Variants in PSD3 observed in about 807,000 individuals in gnomAD.
The protein encoded by PSD3 is pleckstrin and Sec7 domain containing 3.
Under a neutral mutation model 105.5 loss-of-function variants are expected in PSD3, and 49 were observed. That is an observed-to-expected ratio of 0.46 (90% CI 0.37 to 0.59). The LOEUF (loss-of-function observed/expected upper bound fraction) is 0.59. PSD3 is among the 20% of genes least tolerant of loss of function. The probability of loss-of-function intolerance (pLI) is 0.00; values close to 1 mark genes in which losing one functional copy is unlikely to be tolerated. For missense variants in PSD3, 1,561 were observed against 1,263.8 expected (o/e 1.24, Z -3.57); for synonymous variants, 557 against 457.8 (o/e 1.22, Z -2.77).
At chr8:19,048,129 G>C (rs1430449909) in intron 1 of PSD3, among the ~76,000 whole-genome samples, 1 of 152,178 alleles carries the variant, frequency 6.6e-6, no homozygotes, top group East Asian at 1.9e-4. Flanking sequence ...CTCTGCCACA[G>C]TTGGCAGCCA....
intron 9 of PSD3, among the ~76,000 whole-genome samples, chr8:18,669,564 G>A (rs1288682586): frequency 1.3e-5 from 2 of 152,220 alleles, no homozygotes; most frequent in Non-Finnish European, 2.9e-5. Flanking sequence ...TGAGGGCAGG[G>A]AGCATCCACA....
At chr8:18,678,920 A>C (rs1585595255) in intron 9 of PSD3, among the ~76,000 whole-genome samples, 2 of 145,316 alleles carry the variant, frequency 1.4e-5, no homozygotes, top group East Asian at 4.0e-4. Context: ...ACTCTTGAAA[A>C]TGTATATATG....
intron 1 of PSD3, among the ~76,000 whole-genome samples, chr8:18,963,493 C>T (rs901371537): frequency 6.6e-6 from 1 of 152,072 alleles, no homozygotes; most frequent in Non-Finnish European, 1.5e-5. Context: ...CTCGACTCGC[C>T]AACTAAATTG....
intron 1 of PSD3, among the ~76,000 whole-genome samples, chr8:18,945,083 CAT>C (rs1491582493): frequency 1.3e-5 from 2 of 152,032 alleles, no homozygotes; most frequent in African/African-American, 4.8e-5. Context: ...CACACACACA[CAT>C]ACGTACACAC....
intron 15 of PSD3, among the ~76,000 whole-genome samples, chr8:18,553,052 A>G (rs1196257293): frequency 2.6e-5 from 4 of 151,834 alleles, no homozygotes; most frequent in Non-Finnish European, 4.4e-5. Context: ...TTGGCTCACC[A>G]TGAAGCACTG....
At chr8:19,003,430 CTTCACACTTCTCACTCTCCTGAAA>C (rs969628342) in intron 1 of PSD3, among the ~76,000 whole-genome samples, 1 of 151,972 alleles carries the variant, frequency 6.6e-6, no homozygotes, top group African/African-American at 2.4e-5. Flanking sequence ...CCCCTCCCAA[CTTCACACTTCTCACTCTCCTGAAA>C]TTCTTCAGGA....
At chr8:18,853,737 G>A (rs763889325) in intron 4 of PSD3, among the ~76,000 whole-genome samples, 1 of 152,144 alleles carries the variant, frequency 6.6e-6, no homozygotes, top group African/African-American at 2.4e-5. Flanking sequence ...ACATGACTAA[G>A]CTCAAATTAG....
chr8:19,084,606 T>C (rs925176307), exon 1 of PSD3: 1 of 353,834 alleles, frequency 2.8e-6, no homozygotes, highest in African/African-American at 2.1e-5. Context: ...GGCCTGGCAA[T>C]GCCTGTGATG....
At chr8:18,850,185 A>C (rs1815448333) in intron 4 of PSD3, among the ~76,000 whole-genome samples, 2 of 152,236 alleles carry the variant, frequency 1.3e-5, no homozygotes, top group Admixed American at 1.3e-4. Context: ...GAACCACAGC[A>C]ATGCAAACAT....
chr8:19,057,617 AC>A (rs1828753069), intron 1 of PSD3, among the ~76,000 whole-genome samples: 1 of 152,066 alleles, frequency 6.6e-6, no homozygotes, highest in African/African-American at 2.4e-5. Flanking sequence ...CTTCTCTGGG[AC>A]CCTGCTAAAC....
intron 2 of PSD3, among the ~76,000 whole-genome samples, chr8:18,914,339 G>C (rs1820445199): frequency 6.6e-6 from 1 of 152,018 alleles, no homozygotes; most frequent in South Asian, 2.1e-4. Context: ...CACCACTTCT[G>C]TCAGCACAGT....
chr8:18,567,314 A>G (rs1469104439), intron 14 of PSD3, among the ~76,000 whole-genome samples: 4 of 151,808 alleles, frequency 2.6e-5, no homozygotes, highest in Non-Finnish European at 4.4e-5. Context: ...CTCCCCTTAT[A>G]TCGTGTAATG....
chr8:18,653,096 T>G (rs981671413), intron 10 of PSD3, among the ~76,000 whole-genome samples: 2 of 152,212 alleles, frequency 1.3e-5, no homozygotes, highest in Admixed American at 6.5e-5. Context: ...ATTCCAAGAC[T>G]TAGTTGACCC....
intron 9 of PSD3, among the ~76,000 whole-genome samples, chr8:18,723,628 G>A (rs932086169): frequency 3.9e-5 from 6 of 152,120 alleles, no homozygotes; most frequent in Non-Finnish European, 7.3e-5. Context: ...CATCTCTCCC[G>A]AGGCCTTCCA....
At chr8:18,541,406 C>T (rs1466223462) in intron 15 of PSD3, among the ~76,000 whole-genome samples, 1 of 152,140 alleles carries the variant, frequency 6.6e-6, no homozygotes, top group Non-Finnish European at 1.5e-5. Flanking sequence ...CACGGATACC[C>T]ACGTTGATGG....
intron 1 of PSD3, among the ~76,000 whole-genome samples, chr8:18,991,197 T>C (rs753295055): frequency 1.2e-4 from 18 of 152,094 alleles, no homozygotes; most frequent in Non-Finnish European, 2.4e-4. Context: ...CACACTGGTT[T>C]AGATGCAGTA....
At chr8:18,801,686 C>G (rs569276883) in intron 6 of PSD3, among the ~76,000 whole-genome samples, 1 of 152,112 alleles carries the variant, frequency 6.6e-6, no homozygotes, top group East Asian at 1.9e-4. Context: ...AAAAATTAGC[C>G]GGGCATGGTG....
intron 12 of PSD3, among the ~76,000 whole-genome samples, chr8:18,590,912 T>C (rs1166935562): frequency 1.3e-5 from 2 of 152,146 alleles, no homozygotes; most frequent in East Asian, 3.8e-4. Flanking sequence ...TATGATAACA[T>C]ACAGAGTGAA....
chr8:18,963,590 G>C (rs1302744167), intron 1 of PSD3, among the ~76,000 whole-genome samples: 1 of 152,128 alleles, frequency 6.6e-6, no homozygotes, highest in African/African-American at 2.4e-5. Flanking sequence ...TTAAAAATTA[G>C]AATCACTGAT....
Sources: allele counts gnomAD v4.1 joint callset (sites outside exome capture counted in the v4.1 genomes callset), GRCh38; gene constraint gnomAD v4.1.1; transcripts MANE v1.5; gene names NCBI Gene and HGNC (gene_info 2026-07-23, HGNC 2026-07-21).